MRPL21: variants seen among roughly 807,000 people sequenced by gnomAD.
The protein encoded by MRPL21 is mitochondrial ribosomal protein L21, also known as large ribosomal subunit protein bL21m.
In MRPL21, 20 loss-of-function variants were observed where a neutral mutation model predicts 27.3. That is an observed-to-expected ratio of 0.73 (90% confidence interval 0.52 to 1.06). MRPL21 has a LOEUF of 1.06. Among genes scored for constraint, MRPL21 ranks in the 50% least tolerant of loss-of-function variants. MRPL21 has a pLI of 0.00. For synonymous variants in MRPL21, 98 were observed against 101.5 expected, an observed-to-expected ratio of 0.97 and a Z score of 0.21; for missense variants, 249 against 251.4, an observed-to-expected ratio of 0.99 and a Z score of 0.06.
At chr11:68,901,080 C>T (rs1340976238) in intron 1 of MRPL21, among the ~76,000 whole-genome samples, 1 of 152,194 alleles carries the variant, frequency 6.6e-6, no homozygotes, top group East Asian at 1.9e-4. Flanking sequence ...CCTGTGCTCA[C>T]CCTTTCTGAT....
chr11:68,896,925 T>G, intron 3 of MRPL21: 1 of 556,016 alleles, frequency 1.8e-6, no homozygotes, highest in African/African-American at 1.9e-5. Flanking sequence ...AGAAGGAAGC[T>G]CCCCAAGACT....
At chr11:68,897,308 AG>A (rs1307245968) in intron 3 of MRPL21, among the ~76,000 whole-genome samples, 1 of 152,170 alleles carries the variant, frequency 6.6e-6, no homozygotes, top group African/African-American at 2.4e-5. Context: ...GGCCTGACCG[AG>A]GGCGAGACAC....
Position 68,900,535 on chromosome 11 carries a change from A to G in MRPL21, c.146+13T>C. Reference sequence around the variant, plus strand: ...AAGGAAAAGAGGCACCAAAACCCACATTTTGATATTACCCTGGTAGATATG... The same window carrying G: ...AAGGAAAAGAGGCACCAAAACCCACGTTTTGATATTACCCTGGTAGATATG... On this transcript the variant is annotated intron_variant, in intron 2 of 6. Coordinates refer to ENST00000362034, the MANE Select transcript of MRPL21 (RefSeq NM_181514.2). 6.2e-7 allele frequency: 1 copy of G among 1,612,146 alleles called. No homozygotes were observed. The highest frequency in any genetic ancestry group is 8.5e-7 in the Non-Finnish European group (1 of 1,178,340).
chr11:68,891,908 T>G, intron 6 of MRPL21: 1 of 502,622 alleles, frequency 2.0e-6, no homozygotes. Context: ...CCATGCCCCG[T>G]GGGTGCCATC....
At chr11:68,895,402 C>A (rs139276383) in intron 4 of MRPL21, among the ~76,000 whole-genome samples, 2 of 152,134 alleles carry the variant, frequency 1.3e-5, no homozygotes, top group Admixed American at 6.5e-5. Context: ...ATAATCCCAG[C>A]GCTTTGGGAG....
At chr11:68,898,062 C>T (rs779829278) in intron 2 of MRPL21, 50 bp from the exon 3 acceptor site, 1 of 1,430,388 alleles carries the variant, frequency 7.0e-7, no homozygotes, top group South Asian at 1.2e-5. Context: ...GAAAAGGCAG[C>T]TCAAATCCTC....
At chr11:68,900,715 T>G (rs758810159) in intron 1 of MRPL21, 110 bp from the exon 2 acceptor site, 1 of 929,368 alleles carries the variant, frequency 1.1e-6, no homozygotes, top group South Asian at 1.4e-5. Flanking sequence ...TATGAACCAC[T>G]GCATGACAGC....
intron 1 of MRPL21, among the ~76,000 whole-genome samples, chr11:68,901,628 C>A (rs561417093): frequency 6.6e-6 from 1 of 152,164 alleles, no homozygotes; most frequent in Non-Finnish European, 1.5e-5. Flanking sequence ...TTTGGGCATC[C>A]GGGGCTCAAC....
Position 68,893,356 on chromosome 11 carries a change from T to C in MRPL21, c.449+47A>G, listed in dbSNP as rs758334673. On this transcript the variant is annotated intron_variant, in intron 5 of 6. Coordinates refer to ENST00000362034, the MANE Select transcript of MRPL21 (RefSeq NM_181514.2). ...TTGCACTGTGACCACTGTCTGCATG[T>C]CCAGCCCTGGAGCCCCAGACAAAGC... is the stretch of plus-strand genomic sequence containing the variant. 4.3e-6 allele frequency: 7 copies of C among 1,613,428 alleles called. No individual in the cohort carries two copies. In the East Asian group the frequency reaches 1.1e-4, roughly 26 times the overall value.
chr11:68,893,057 G>T, intron 5 of MRPL21, 64 bp from the exon 6 acceptor site: 1 of 1,459,882 alleles, frequency 6.8e-7, no homozygotes, highest in South Asian at 1.4e-5. Flanking sequence ...CCTTAGGTGA[G>T]AATTTCTAAA....
chr11:68,898,035 A>G (rs756728238), intron 2 of MRPL21, 23 bp from the exon 3 acceptor site: 11 of 1,589,538 alleles, frequency 6.9e-6, no homozygotes, highest in Non-Finnish European at 9.5e-6. Flanking sequence ...TTTCGTAGAC[A>G]AATGTCACAA....
intron 4 of MRPL21, among the ~76,000 whole-genome samples, chr11:68,893,810 A>G (rs1025447602): frequency 6.6e-6 from 1 of 152,238 alleles, no homozygotes; most frequent in Admixed American, 6.5e-5. Context: ...GCGGTGGCTC[A>G]TGCCTGTAAT....
intron 3 of MRPL21, 126 bp from the exon 4 acceptor site, chr11:68,896,804 C>A: frequency 1.5e-6 from 2 of 1,290,738 alleles, no homozygotes; most frequent in South Asian, 2.7e-5. Context: ...CTTGTGAGCA[C>A]CTCACTGCTG....
intron 6 of MRPL21, chr11:68,891,700 CCT>C: frequency 1.8e-6 from 1 of 541,258 alleles, no homozygotes; most frequent in Admixed American, 3.1e-5. Context: ...GATGGCCCCA[CCT>C]GAGTGACCTT....
rs1347658916 is a variant in MRPL21, at chr11:68,896,678, T to C, written c.233A>G (p.Glu78Gly). 7 of 1,613,568 alleles carry C rather than the reference T, an allele frequency of 4.3e-6. No individual in the cohort carries two copies. In the African/African-American group the frequency reaches 5.3e-5, roughly 12 times the overall value. ...CATCTCATTCACCTTCTTCACGACC[T>C]CTGCAGGGGAAGGCGGGTGGGTGGG... is the stretch of plus-strand genomic sequence containing the variant. ...DPVEETRHHA[E>G]VVKKVNEMIV... is the part of the protein sequence containing the mutation. The change falls in exon 4 of 7, where the codon GAG (glutamate) becomes GGG (glycine). Residue 78 changes from glutamate to glycine, a missense_variant and splice_region_variant. By Grantham distance (98) the Glu-to-Gly change is moderately conservative. Coordinates refer to ENST00000362034, the MANE Select transcript of MRPL21 (RefSeq NM_181514.2).
chr11:68,892,955 T>G lies in MRPL21; in HGVS notation c.488A>C (p.Lys163Thr). 1 of 1,611,712 alleles carries G rather than the reference T, an allele frequency of 6.2e-7. No homozygotes were observed. The highest frequency in any genetic ancestry group is 8.5e-7 in the Non-Finnish European group (1 of 1,178,860). Residue 163 changes from lysine to threonine, a missense_variant, in exon 6 of 7, where the codon AAG becomes ACG. Physicochemically the swap from Lys to Thr is moderately conservative, Grantham distance 78. Coordinates refer to ENST00000362034, the MANE Select transcript of MRPL21 (RefSeq NM_181514.2). ...AATGATTCTTGGCCATGATTCTGTC[T>G]TTTCAATGACTGTGGCTTCTACTCG... ...LVRVEATVIE[K>T]TESWPRIIMR...
At chr11:68,898,492 C>T (rs1031154984) in intron 2 of MRPL21, among the ~76,000 whole-genome samples, 3 of 152,226 alleles carry the variant, frequency 2.0e-5, no homozygotes, top group African/African-American at 7.2e-5. Flanking sequence ...TTCCCTGCTC[C>T]ACCTCCACCT....
rs1857910823 is a variant in MRPL21, at chr11:68,900,572, G to A, written c.122C>T (p.Ser41Leu). The A allele has an allele frequency of 6.2e-7, 1 of 1,613,868 alleles. No homozygotes were observed. Among genetic ancestry groups the A allele is most frequent in the Non-Finnish European group, 8.5e-7 (1 of 1,179,874 alleles). The change falls in exon 2 of 7, where the codon TCA becomes TTA. Residue 41 changes from serine to leucine, a missense_variant. Transcript: ENST00000362034. ...SLWSASRRFNSQSTSYLPGYV... is the reference protein window; with the variant it reads ...SLWSASRRFNLQSTSYLPGYV... Reference sequence around the variant, plus strand: ...CCCTGGTAGATATGAAGTGCTCTGTGAATTGAACCTTCGAGAAGCAGACCA... The same window carrying A: ...CCCTGGTAGATATGAAGTGCTCTGTAAATTGAACCTTCGAGAAGCAGACCA...
intron 6 of MRPL21, 200 bp downstream of exon 6, chr11:68,892,683 CGCGTGGA>C (rs924097545): frequency 2.0e-6 from 3 of 1,505,638 alleles, no homozygotes; most frequent in African/African-American, 2.8e-5. Context: ...GGTGGGGTCA[CGCGTGGA>C]GCGTGGAGGA....
Sources: allele counts gnomAD v4.1 joint callset (sites outside exome capture counted in the v4.1 genomes callset), GRCh38; gene constraint gnomAD v4.1.1; transcripts MANE v1.5; gene names NCBI Gene and HGNC (gene_info 2026-07-23, HGNC 2026-07-21).